The following MPV17L variants were observed in gnomAD, a reference collection of about 807,000 sequenced individuals.
MPV17L encodes MPV17 mitochondrial inner membrane protein like.
A neutral mutation model predicts 25.8 loss-of-function variants in MPV17L; 24 were observed. The observed-to-expected ratio is 0.93, with a 90% CI of 0.67 to 1.31. MPV17L has a LOEUF of 1.31. Ranked by LOEUF, MPV17L falls within the 50% of genes most tolerant of loss-of-function variation. The pLI is 0.00. For missense variants in MPV17L, 250 were observed against 265.6 expected (o/e 0.94, Z 0.41); for synonymous variants, 102 against 115.3 (o/e 0.88, Z 0.74).
intron 1 of MPV17L, among the ~76,000 whole-genome samples, chr16:15,396,979 A>G (rs949916905): frequency 1.3e-5 from 2 of 152,180 alleles, no homozygotes; most frequent in African/African-American, 4.8e-5. Context: ...TCTCTACTGC[A>G]TACAATAAGA....
chr16:15,412,227 G>C lies in MPV17L; in HGVS notation c.*4115G>C, dbSNP rs940788382. The C allele has an allele frequency of 6.6e-6, 1 of 152,110 alleles. No individual in the cohort carries two copies. The highest frequency in any genetic ancestry group is 2.4e-5 in the African/African-American group (1 of 41,422). 9.4% of individuals were successfully genotyped at this position (152,110 alleles called of 1,614,324 possible). A position where few individuals can be genotyped will look rare whatever the true frequency, so the allele number is the denominator to read the frequency against. On this transcript the variant is annotated 3_prime_UTR_variant, in exon 4 of 4. Transcript: ENST00000396385. Reference sequence around the variant, plus strand: ...GCGGATCACTTGAGCTCAGGAGTTTGAGACCAACTTGGGCAATGTGGTGAA... The same window carrying C: ...GCGGATCACTTGAGCTCAGGAGTTTCAGACCAACTTGGGCAATGTGGTGAA...
At position 15,410,697 on chromosome 16, in the gene MPV17L, T is replaced by C. The variant is rs1201163519; in HGVS notation, c.*2585T>C. On this transcript the variant is annotated 3_prime_UTR_variant, in exon 4 of 4. Transcript: ENST00000396385. ...TATATTTAAGCTTAATTTAAGACTATATACCTAAAAATTGAGCATATAATT... is the reference window on the plus strand; with the variant it reads ...TATATTTAAGCTTAATTTAAGACTACATACCTAAAAATTGAGCATATAATT... 1 of 152,254 alleles carries C rather than the reference T, an allele frequency of 6.6e-6. No homozygotes were observed. The highest frequency in any genetic ancestry group is 2.4e-5 in the African/African-American group (1 of 41,476). 9.4% of individuals were successfully genotyped at this position (152,254 alleles called of 1,614,324 possible).
At chr16:15,405,376 A>C (rs916070957) in intron 2 of MPV17L, among the ~76,000 whole-genome samples, 2 of 147,134 alleles carry the variant, frequency 1.4e-5, no homozygotes, top group African/African-American at 5.0e-5. Context: ...TGTATTAAGA[A>C]AAAAAAAAAA....
At chr16:15,402,686 G>A (rs1194798100) in intron 2 of MPV17L, among the ~76,000 whole-genome samples, 1 of 152,084 alleles carries the variant, frequency 6.6e-6, no homozygotes, top group African/African-American at 2.4e-5. Flanking sequence ...TTTTTTGTTT[G>A]TTTGTTTGTT....
At chr16:15,396,739 A>G (rs2050589496) in intron 1 of MPV17L, among the ~76,000 whole-genome samples, 1 of 152,164 alleles carries the variant, frequency 6.6e-6, no homozygotes, top group Non-Finnish European at 1.5e-5. Flanking sequence ...CCTGAGGGGC[A>G]GAGCAGGTGG....
rs773936366 is a variant in MPV17L, at chr16:15,408,047, A to G, written c.526A>G (p.Lys176Glu). The G allele has an allele frequency of 1.2e-6, 2 of 1,613,912 alleles. No individual in the cohort carries two copies. The highest frequency in any genetic ancestry group is 2.2e-5 in the South Asian group (2 of 91,036). ...CCAGCAGAGTGGTGACGGCACATTC[A>G]AGTCAGCTTTCACCATTTTATATAC... ...FSQQSGDGTF[K>E]SAFTILYTKG... Residue 176 changes from lysine to glutamate, a missense_variant, in exon 4 of 4, where the codon AAG becomes GAG. By Grantham distance (56) the Lys-to-Glu change is moderately conservative (BLOSUM62 1). Transcript: ENST00000396385.
intron 2 of MPV17L, among the ~76,000 whole-genome samples, chr16:15,403,368 CAAAA>C (rs36042308): frequency 2.7e-5 from 2 of 73,052 alleles, no homozygotes; most frequent in Admixed American, 1.7e-4. Context: ...GACTCCGTCT[CAAAA>C]AAAAAAAAAA....
At position 15,407,979 on chromosome 16, in the gene MPV17L, C is replaced by A. The variant is rs779112697; in HGVS notation, c.458C>A (p.Ala153Asp). 1.1e-4 allele frequency: 179 copies of A among 1,613,862 alleles called. No individual in the cohort carries two copies. Among genetic ancestry groups the A allele is most frequent in the Non-Finnish European group, 1.4e-4 (170 of 1,180,042 alleles). Residue 153 changes from alanine (A) to aspartate (D), a missense_variant, in exon 4 of 4, where the codon GCT becomes GAT. By Grantham distance (126) the Ala-to-Asp change is moderately radical. Coordinates refer to ENST00000396385, the MANE Select transcript of MPV17L (RefSeq NM_001128423.2). ...LVPVQWRTAY[A>D]GVCGFLWATF... ...CCTGTTCAATGGAGAACAGCTTACG[C>A]TGGAGTCTGTGGTTTTCTCTGGGCC...
chr16:15,401,067 T>TAG, intron 2 of MPV17L, among the ~76,000 whole-genome samples: 1 of 38,464 alleles, frequency 2.6e-5, no homozygotes, highest in African/African-American at 8.1e-5. Context: ...TGTATATATA[T>TAG]ATATATATAT....
rs2050700757 is a variant in MPV17L at position 15,408,302 on chromosome 16, C to G, written c.*190C>G. The G allele has an allele frequency of 4.0e-6, 2 of 498,082 alleles. No homozygotes were observed. The highest frequency in any genetic ancestry group is 4.7e-5 in the South Asian group (1 of 21,242). The allele number at this position is 498,082 out of a possible 1,614,324, so 30.9% of individuals were successfully genotyped here. A position where few individuals can be genotyped will look rare whatever the true frequency, so the allele number is the denominator to read the frequency against. On this transcript the variant is annotated 3_prime_UTR_variant, in exon 4 of 4. Coordinates refer to ENST00000396385, the MANE Select transcript of MPV17L (RefSeq NM_001128423.2). Reference sequence around the variant, plus strand: ...ATTCAGACTTTTTTCCTGTTCTAGTCTGAAATATTACTTCTCTAATATTTT... The same window carrying G: ...ATTCAGACTTTTTTCCTGTTCTAGTGTGAAATATTACTTCTCTAATATTTT...
chr16:15,395,852 A>G lies in MPV17L; in HGVS notation c.-46A>G, dbSNP rs555632911. 1.0e-5 allele frequency: 14 copies of G among 1,368,284 alleles called. No homozygotes were observed. The highest frequency in any genetic ancestry group is 1.3e-5 in the Non-Finnish European group (14 of 1,070,322). The allele number at this position is 1,368,284 out of a possible 1,614,324, so 84.8% of individuals were successfully genotyped here. ...GGAGGCCCGGACCCGGTGCAGGAAGACGCCGACCACGCGGGCTCCTGATCG... is the reference window on the plus strand; with the variant it reads ...GGAGGCCCGGACCCGGTGCAGGAAGGCGCCGACCACGCGGGCTCCTGATCG... On this transcript the variant is annotated 5_prime_UTR_variant, in exon 1 of 4. Coordinates refer to ENST00000396385, the MANE Select transcript of MPV17L (RefSeq NM_001128423.2).
In MPV17L at chr16:15,409,131, GA is replaced by G. The variant is rs1468567839; in HGVS notation, c.*1020del. 2 of 148,866 alleles carry G rather than the reference GA, an allele frequency of 1.3e-5. No homozygotes were observed. Among genetic ancestry groups the G allele is most frequent in the Non-Finnish European group, 3.0e-5 (2 of 67,584 alleles). The allele number at this position is 148,866 out of a possible 1,614,324, so 9.2% of individuals were successfully genotyped here. On this transcript the variant is annotated 3_prime_UTR_variant, in exon 4 of 4. Transcript: ENST00000396385. ...GAGACTCGCTCTGTCACCCAGGCTG[GA>G]GTGCAGTGGCATGATTTCGGCTCAC...
chr16:15,402,475 G>A (rs1352403187), intron 2 of MPV17L, among the ~76,000 whole-genome samples: 2 of 152,160 alleles, frequency 1.3e-5, no homozygotes, highest in Non-Finnish European at 2.9e-5. Flanking sequence ...AGGCCCCTGA[G>A]CCAGCATTAC....
intron 1 of MPV17L, 94 bp from the exon 2 acceptor site, chr16:15,400,693 G>A: frequency 2.6e-6 from 2 of 780,738 alleles, no homozygotes; most frequent in Non-Finnish European, 3.8e-6. Flanking sequence ...GATAGTGATG[G>A]TTACTTTGCA....
chr16:15,400,975 A>T, intron 2 of MPV17L, 118 bp downstream of exon 2: 1 of 596,026 alleles, frequency 1.7e-6, no homozygotes, highest in East Asian at 4.1e-5. Context: ...CTTTTAATTG[A>T]CACATATAAG....
At position 15,408,185 on chromosome 16, in the gene MPV17L, T is replaced by C; in HGVS notation, c.*73T>C. On this transcript the variant is annotated 3_prime_UTR_variant, in exon 4 of 4. Coordinates refer to ENST00000396385, the MANE Select transcript of MPV17L (RefSeq NM_001128423.2). ...ACAGAATTGCCTGCAGACAAAATAT[T>C]TGATGTGCCAATTATGCACTTCATT... 1.7e-6 allele frequency: 2 copies of C among 1,188,534 alleles called. No homozygotes were observed. The highest frequency in any genetic ancestry group is 2.4e-6 in the Non-Finnish European group (2 of 843,396). The allele number at this position is 1,188,534 out of a possible 1,614,324, so 73.6% of individuals were successfully genotyped here.
Position 15,407,926 on chromosome 16 carries a change from G to T in MPV17L, c.412-7G>T. The T allele has an allele frequency of 6.2e-7, 1 of 1,613,368 alleles. No homozygotes were observed. Among genetic ancestry groups the T allele is most frequent in the South Asian group, 1.1e-5 (1 of 91,072 alleles). On this transcript the variant is annotated splice_region_variant and splice_polypyrimidine_tract_variant and intron_variant, in intron 3 of 3. Coordinates refer to ENST00000396385, the MANE Select transcript of MPV17L (RefSeq NM_001128423.2). ...TGTGGCCCTAACGGACTCTCTCTCT[G>T]TTCCAGCTGACCAACTTCAGCCTTG...
chr16:15,412,620 G>A lies in MPV17L; in HGVS notation c.*4508G>A, dbSNP rs1383544299. ...AGACAGAGTTTCGCTTTGTAGCCCAGGTTGGAGTGCAGTGTCGCGATCTCG... is the reference window on the plus strand; with the variant it reads ...AGACAGAGTTTCGCTTTGTAGCCCAAGTTGGAGTGCAGTGTCGCGATCTCG... On this transcript the variant is annotated 3_prime_UTR_variant, in exon 4 of 4. Coordinates refer to ENST00000396385, the MANE Select transcript of MPV17L (RefSeq NM_001128423.2). The A allele has an allele frequency of 6.7e-6, 1 of 149,676 alleles. No individual in the cohort carries two copies. The highest frequency in any genetic ancestry group is 2.5e-5 in the African/African-American group (1 of 40,614). 9.3% of individuals were successfully genotyped at this position (149,676 alleles called of 1,614,324 possible).
At chr16:15,403,379 A>AC (rs1206627601) in intron 2 of MPV17L, among the ~76,000 whole-genome samples, 1 of 150,974 alleles carries the variant, frequency 6.6e-6, no homozygotes, top group Non-Finnish European at 1.5e-5. Flanking sequence ...AAAAAAAAAA[A>AC]AAAAAAAAAG....
Sources: gnomAD v4.1 joint callset for allele counts (sites outside exome capture counted in the v4.1 genomes callset) on GRCh38, gnomAD v4.1.1 for gene constraint, MANE v1.5 for transcripts, NCBI Gene and HGNC (gene_info 2026-07-23, HGNC 2026-07-21) for gene names.